The following INSC variants were observed in gnomAD, a reference collection of about 807,000 sequenced individuals.
INSC encodes protein inscuteable homolog.
A neutral mutation model predicts 58.6 loss-of-function variants in INSC; 67 were observed. The observed-to-expected ratio is 1.14, with a 90% CI of 0.94 to 1.40. The LOEUF (loss-of-function observed/expected upper bound fraction) is 1.40. INSC is among the 40% of genes most tolerant of loss of function. The pLI is 0.00. For missense variants in INSC, 714 were observed against 692.0 expected (o/e 1.03, Z -0.36); for synonymous variants, 262 against 276.1 (o/e 0.95, Z 0.51).
At chr11:15,225,543 A>T in intron 8 of INSC, 107 bp from the exon 9 acceptor site, 1 of 1,158,954 alleles carries the variant, frequency 8.6e-7, no homozygotes, top group Non-Finnish European at 1.2e-6. Flanking sequence ...AATGGGTATT[A>T]TAACACCTGC....
intron 2 of INSC, among the ~76,000 whole-genome samples, chr11:15,169,920 C>G (rs1343009234): frequency 6.6e-6 from 1 of 152,186 alleles, no homozygotes; most frequent in Non-Finnish European, 1.5e-5. Flanking sequence ...ATGAACTAAA[C>G]TCTAGACATT....
Position 15,239,019 on chromosome 11 carries a change from C to A in INSC, c.1338C>A (p.Thr446=). 1 of 1,614,172 alleles carries A rather than the reference C, an allele frequency of 6.2e-7. No individual in the cohort carries two copies. Among genetic ancestry groups the A allele is most frequent in the Non-Finnish European group, 8.5e-7 (1 of 1,180,020 alleles). Residue 446 remains threonine (T), a synonymous_variant, in exon 11 of 13, where the codon ACC becomes ACA. Transcript: ENST00000379556. ...CERVQQKAAV[T]LARLSRDPDV... is the part of the protein sequence containing the mutation. The stretch of plus-strand genomic sequence containing the variant: ...GAGTCCAGCAGAAAGCTGCAGTGAC[C>A]CTGGCTCGTCTCAGCCGAGACCCAG...
Position 15,240,434 on chromosome 11 carries a change from G to A in INSC, c.1394-13G>A, listed in dbSNP as rs1234518988. ...CTGTCCTGGGCCTGAGGCTCTCCCT[G>A]TGTCTCCTACAGGCATGTCCCGTCT... On this transcript the variant is annotated splice_polypyrimidine_tract_variant and intron_variant, in intron 11 of 12. Coordinates refer to ENST00000379556, the MANE Select transcript of INSC (RefSeq NM_001042536.3). 1 of 1,612,770 alleles carries A rather than the reference G, an allele frequency of 6.2e-7. No homozygotes were observed. Among genetic ancestry groups the A allele is most frequent in the Non-Finnish European group, 8.5e-7 (1 of 1,179,172 alleles).
intron 7 of INSC, among the ~76,000 whole-genome samples, chr11:15,203,340 C>A (rs987362266): frequency 2.0e-5 from 3 of 152,312 alleles, no homozygotes; most frequent in African/African-American, 7.2e-5. Context: ...CTGGACATTT[C>A]TCCTCTCCAG....
chr11:15,230,009 A>ATTT (rs1564917833), intron 9 of INSC, among the ~76,000 whole-genome samples: 1 of 26,634 alleles, frequency 3.8e-5, no homozygotes, highest in African/African-American at 1.7e-4. Flanking sequence ...ATATATATAT[A>ATTT]TATAATATAT....
rs1847911909 is a variant in INSC, at chr11:15,123,063, G to C, written c.-46+8060G>C. On this transcript the variant is annotated intron_variant, in intron 1 of 12. Transcript: ENST00000379556. ...AGCTGAGTCTCAGTCTCTAGGGCTT[G>C]TTAGGCTCCCTCCCACCATAAATCT... 3.3e-5 allele frequency among the ~76,000 whole-genome samples: 5 copies of C among 152,122 alleles called. No homozygotes were observed. The South Asian group carries it at 1.0e-3, about 32-fold the overall frequency.
intron 7 of INSC, among the ~76,000 whole-genome samples, chr11:15,203,167 A>G (rs1022989592): frequency 1.3e-5 from 2 of 152,184 alleles, no homozygotes; most frequent in African/African-American, 4.8e-5. Context: ...TTGGACCCAC[A>G]TCTGCCATAG....
In INSC at chr11:15,239,045, A is replaced by T. The variant is rs760049722; in HGVS notation, c.1364A>T (p.Asp455Val). Reference sequence around the variant, plus strand: ...CTGGCTCGTCTCAGCCGAGACCCAGATGTGGCACGGGAGGCCGTGCGGCTC... The same window carrying T: ...CTGGCTCGTCTCAGCCGAGACCCAGTTGTGGCACGGGAGGCCGTGCGGCTC... Reference protein sequence around the residue: ...VTLARLSRDPDVAREAVRLSC... With the variant: ...VTLARLSRDPVVAREAVRLSC... Residue 455 changes from aspartate (D) to valine (V), a missense_variant, in exon 11 of 13, where the codon GAT (aspartate) becomes GTT (valine). By Grantham distance (152) the Asp-to-Val change is radical. Transcript: ENST00000379556. 2 of 1,613,772 alleles carry T rather than the reference A, an allele frequency of 1.2e-6. No individual in the cohort carries two copies. Among genetic ancestry groups the T allele is most frequent in the Admixed American group, 1.7e-5 (1 of 59,996 alleles).
At chr11:15,127,357 C>T (rs1253072730) in intron 1 of INSC, among the ~76,000 whole-genome samples, 1 of 152,188 alleles carries the variant, frequency 6.6e-6, no homozygotes, top group Non-Finnish European at 1.5e-5. Context: ...GATTTCAAAC[C>T]GAAGTGTCTT....
intron 1 of INSC, 70 bp from the exon 2 acceptor site, chr11:15,149,060 G>C: frequency 6.8e-7 from 1 of 1,472,470 alleles, no homozygotes; most frequent in Admixed American, 2.3e-5. Context: ...TGTGGCCTGG[G>C]ACTGGGAGAG....
rs1283336885 is a variant in INSC, at chr11:15,116,805, T to TTTTC, written c.-46+1844_-46+1847dup. Among the ~76,000 whole-genome samples the TTTTC allele has an allele frequency of 5.6e-3, 111 of 19,970 alleles. 6 individuals carry two copies. The highest frequency in any genetic ancestry group is 8.3e-3 in the African/African-American group (63 of 7,548). 13.1% of individuals were successfully genotyped at this position (19,970 alleles called of 152,430 possible). A position where few individuals can be genotyped will look rare whatever the true frequency, so the allele number is the denominator to read the frequency against. ...TCCTTCCTTTCTTTTCTTTTCTTTC[T>TTTTC]TTTCTTTCTTTCTTTCTTTCTTTCT... On this transcript the variant is annotated intron_variant, in intron 1 of 12. Coordinates refer to ENST00000379556, the MANE Select transcript of INSC (RefSeq NM_001042536.3).
chr11:15,263,854 G>A, the INSC span, among the ~76,000 whole-genome samples: 1 of 152,224 alleles, frequency 6.6e-6, no homozygotes, highest in South Asian at 2.1e-4. Context: ...TTCTTTGCTG[G>A]CTGTCAGTGG....
At chr11:15,189,367 G>GTTTATTTA (rs146274786) in intron 5 of INSC, among the ~76,000 whole-genome samples, 11 of 150,188 alleles carry the variant, frequency 7.3e-5, no homozygotes, top group Non-Finnish European at 1.3e-4. Context: ...ACACCATTTT[G>GTTTATTTA]TTTATTTATT....
At chr11:15,149,001 CAGA>C (rs2133746733) in intron 1 of INSC, 126 bp from the exon 2 acceptor site, 2 of 1,162,416 alleles carry the variant, frequency 1.7e-6, no homozygotes, top group East Asian at 3.0e-5. Context: ...ACTGGTTCAA[CAGA>C]AGAAGAGGGC....
At chr11:15,229,992 T>TATA (rs1851835270) in intron 9 of INSC, among the ~76,000 whole-genome samples, 1 of 30,162 alleles carries the variant, frequency 3.3e-5, no homozygotes, top group African/African-American at 1.3e-4. Context: ...TATATATATA[T>TATA]ATATATATAT....
intron 12 of INSC, among the ~76,000 whole-genome samples, chr11:15,241,176 G>A (rs1852336079): frequency 6.6e-6 from 1 of 152,166 alleles, no homozygotes; most frequent in Non-Finnish European, 1.5e-5. Flanking sequence ...TCCCTACTAG[G>A]TCTCTAAGGA....
At chr11:15,199,861 C>T (rs1850511828) in intron 6 of INSC, among the ~76,000 whole-genome samples, 1 of 152,146 alleles carries the variant, frequency 6.6e-6, no homozygotes, top group Non-Finnish European at 1.5e-5. Context: ...CAATTCCTGC[C>T]ACTCTAAATG....
At chr11:15,136,333 G>A (rs1848244205) in intron 1 of INSC, among the ~76,000 whole-genome samples, 1 of 152,164 alleles carries the variant, frequency 6.6e-6, no homozygotes, top group Admixed American at 6.5e-5. Flanking sequence ...AGTCTTGCCT[G>A]ATGTTGATGT....
At chr11:15,262,912 G>A in the INSC span, among the ~76,000 whole-genome samples, 29 of 151,898 alleles carry the variant, frequency 1.9e-4, no homozygotes, top group African/African-American at 6.5e-4. Context: ...ACTGAATATA[G>A]GTATCTGACT....
Sources: allele counts gnomAD v4.1 joint callset (sites outside exome capture counted in the v4.1 genomes callset), GRCh38; gene constraint gnomAD v4.1.1; transcripts MANE v1.5; gene names NCBI Gene and HGNC (gene_info 2026-07-23, HGNC 2026-07-21).